NDUFA10: variants seen among roughly 807,000 people sequenced by gnomAD.
NDUFA10 encodes the protein NADH:ubiquinone oxidoreductase subunit A10, also known as NADH dehydrogenase [ubiquinone] 1 alpha subcomplex subunit 10, mitochondrial.
A neutral mutation model predicts 47.8 loss-of-function variants in NDUFA10; 40 were observed. That is an observed-to-expected ratio of 0.84 (90% CI 0.65 to 1.09). The LOEUF is 1.09. NDUFA10 is among the 50% of genes least tolerant of loss of function. The probability of loss-of-function intolerance (pLI) is 0.00; values close to 1 mark genes in which losing one functional copy is unlikely to be tolerated. For synonymous variants in NDUFA10, 183 were observed against 172.2 expected (o/e 1.06, Z -0.49); for missense variants, 413 against 451.1 (o/e 0.92, Z 0.76).
At chr2:239,955,460 C>T (rs1694635209), downstream of NDUFA10, among the ~76,000 whole-genome samples, 1 of 152,198 alleles carries the variant, frequency 6.6e-6, no homozygotes, top group South Asian at 2.1e-4. Context: ...GGGAGCTGGT[C>T]CACAAGGGAC....
At chr2:239,915,407 C>G (rs934649000) in intron 4 of NDUFA10, among the ~76,000 whole-genome samples, 3 of 51,618 alleles carry the variant, frequency 5.8e-5, no homozygotes, top group Non-Finnish European at 1.0e-4. Flanking sequence ...ACACACAGAA[C>G]ACACACATAC....
intron 9 of NDUFA10, among the ~76,000 whole-genome samples, chr2:239,984,984 C>T (rs911470899): frequency 3.3e-5 from 5 of 152,200 alleles, no homozygotes; most frequent in Non-Finnish European, 5.9e-5. Flanking sequence ...GGAAGCCCAG[C>T]GTCACCAGCT....
intron 4 of NDUFA10, among the ~76,000 whole-genome samples, chr2:239,901,070 T>C (rs1693537918): frequency 6.6e-6 from 1 of 152,208 alleles, no homozygotes; most frequent in African/African-American, 2.4e-5. Flanking sequence ...GAGAAGTCAA[T>C]GCAGGGCTTC....
intron 4 of NDUFA10, among the ~76,000 whole-genome samples, chr2:239,922,182 C>G (rs1191657025): frequency 2.6e-5 from 4 of 152,016 alleles, no homozygotes; most frequent in African/African-American, 9.7e-5. Flanking sequence ...TGCTAAATGT[C>G]CTGAGTGTCC....
chr2:239,904,654 T>C (rs1188139594), intron 4 of NDUFA10, among the ~76,000 whole-genome samples: 1 of 152,196 alleles, frequency 6.6e-6, no homozygotes, highest in African/African-American at 2.4e-5. Flanking sequence ...CTAGGCACGG[T>C]GCCCTCAGAC....
At chr2:239,938,253 A>C (rs10178362) in intron 4 of NDUFA10, among the ~76,000 whole-genome samples, 71,042 of 151,692 alleles carry the variant, frequency 0.47, 16,898 homozygotes, top group African/African-American at 0.55. Flanking sequence ...ATAAACCTGT[A>C]GCGTGGCAAT....
Position 239,990,088 on chromosome 2 carries a change from G to GTAA in NDUFA10, c.982_984dup (p.Leu328dup). 1 of 1,610,246 alleles carries GTAA rather than the reference G, an allele frequency of 6.2e-7. No homozygotes were observed. On this transcript the variant is annotated inframe_insertion, in exon 9 of 10. Coordinates refer to ENST00000252711, the MANE Select transcript of NDUFA10 (RefSeq NM_004544.4). ...CACAGTCTTACCTCTCTGAACTGAT[G>GTAA]TAAGACACGGTCAGTCTGATGAGCT...
At chr2:239,902,957 G>A (rs1013300871) in intron 4 of NDUFA10, among the ~76,000 whole-genome samples, 1 of 152,198 alleles carries the variant, frequency 6.6e-6, no homozygotes, top group African/African-American at 2.4e-5. Context: ...TATTTGGGCT[G>A]CAGTTGGCCA....
chr2:239,935,797 G>GT (rs1559295217), intron 4 of NDUFA10, among the ~76,000 whole-genome samples: 1 of 152,214 alleles, frequency 6.6e-6, no homozygotes, highest in East Asian at 1.9e-4. Context: ...CTGCCGCCAT[G>GT]TAAGACATGC....
At chr2:239,964,341 G>A (rs765133229) in intron 9 of NDUFA10, among the ~76,000 whole-genome samples, 7 of 152,108 alleles carry the variant, frequency 4.6e-5, no homozygotes, top group African/African-American at 7.2e-5. Flanking sequence ...GAATGTGGGC[G>A]GCCTCTAGAA....
intron 7 of NDUFA10, among the ~76,000 whole-genome samples, chr2:240,006,585 T>C (rs1696956794): frequency 6.6e-6 from 1 of 152,258 alleles, no homozygotes; most frequent in African/African-American, 2.4e-5. Context: ...GTTTTGTTTT[T>C]AGTAATTTAT....
chr2:239,974,908 A>G (rs74002068), intron 9 of NDUFA10, among the ~76,000 whole-genome samples: 14,717 of 122,328 alleles, frequency 0.12, 1,183 homozygotes, highest in Non-Finnish European at 0.16. Flanking sequence ...GGTCATTTAA[A>G]AATATGTGAC....
At chr2:239,922,807 G>A (rs13387072) in intron 4 of NDUFA10, among the ~76,000 whole-genome samples, 33,057 of 152,126 alleles carry the variant, frequency 0.22, 3,830 homozygotes, top group East Asian at 0.34. Flanking sequence ...AAGAATCCCC[G>A]GCCCCATCAC....
chr2:239,937,233 C>T lies in NDUFA10; in HGVS notation c.295-41919G>A, dbSNP rs932369644. 5.3e-5 allele frequency among the ~76,000 whole-genome samples: 8 copies of T among 152,320 alleles called. No individual in the cohort carries two copies. In the East Asian group the frequency reaches 1.4e-3, roughly 26 times the overall value. ...ACATCACTGAGCCATAGCTTCTATA[C>T]CATAAAATACACCCATTTCGAGTAT... On this transcript the variant is annotated intron_variant, in intron 4 of 5. Transcript: ENST00000419408.
In NDUFA10 at chr2:239,957,457, T is replaced by C. The variant is rs1454101680; in HGVS notation, c.*3661A>G. ...AATGTAACCAGCAATTGGATCTAACTAACTAGGGAGCTTCAGAATTTTAAT... is the reference window on the plus strand; with the variant it reads ...AATGTAACCAGCAATTGGATCTAACCAACTAGGGAGCTTCAGAATTTTAAT... On this transcript the variant is annotated 3_prime_UTR_variant, in exon 10 of 10. Coordinates refer to ENST00000252711, the MANE Select transcript of NDUFA10 (RefSeq NM_004544.4). 1.3e-5 allele frequency: 2 copies of C among 152,250 alleles called. No individual in the cohort carries two copies. Among genetic ancestry groups the C allele is most frequent in the African/African-American group, 4.8e-5 (2 of 41,472 alleles). 9.4% of individuals were successfully genotyped at this position (152,250 alleles called of 1,614,324 possible).
chr2:240,024,410 G>A (rs1697768232), intron 1 of NDUFA10, among the ~76,000 whole-genome samples: 1 of 152,140 alleles, frequency 6.6e-6, no homozygotes, highest in Non-Finnish European at 1.5e-5. Context: ...TCCAGAAAAG[G>A]CAACTATGGA....
chr2:239,980,085 C>T (rs1352544144), intron 9 of NDUFA10, among the ~76,000 whole-genome samples: 3 of 152,186 alleles, frequency 2.0e-5, no homozygotes, highest in Admixed American at 6.5e-5. Context: ...GCAGCCTCCT[C>T]GCTGTGCTTT....
rs1696982682 is a variant in NDUFA10, at chr2:240,007,312, T to C, written c.804+4A>G. ...AACTTTCAACTTTTCAACCATTTTCTTACCTTTTTTGAATCTTGAGCTTCC... is the reference window on the plus strand; with the variant it reads ...AACTTTCAACTTTTCAACCATTTTCCTACCTTTTTTGAATCTTGAGCTTCC... On this transcript the variant is annotated splice_donor_region_variant and intron_variant, in intron 7 of 9. Transcript: ENST00000252711. The C allele has an allele frequency of 1.9e-6, 3 of 1,582,662 alleles. No homozygotes were observed. Among genetic ancestry groups the C allele is most frequent in the South Asian group, 2.2e-5 (2 of 90,320 alleles).
At chr2:239,980,290 G>A (rs1352130588) in intron 9 of NDUFA10, among the ~76,000 whole-genome samples, 1 of 152,220 alleles carries the variant, frequency 6.6e-6, no homozygotes, top group African/African-American at 2.4e-5. Context: ...CTGTCGGGCA[G>A]GGGGTCTGAA....
Sources: gnomAD v4.1 joint callset for allele counts (sites outside exome capture counted in the v4.1 genomes callset) on GRCh38, gnomAD v4.1.1 for gene constraint, MANE v1.5 for transcripts, NCBI Gene and HGNC (gene_info 2026-07-23, HGNC 2026-07-21) for gene names.